Variants in GALNT13 observed in about 807,000 individuals in gnomAD.
GALNT13 encodes polypeptide N-acetylgalactosaminyltransferase 13, also known as UDP-GalNAc:polypeptide N-acetylgalactosaminyltransferase 13.
In GALNT13, 28 loss-of-function variants were observed where a neutral mutation model predicts 64.2. The ratio of observed to expected loss-of-function variants is 0.44; its 90% CI spans 0.32 to 0.60. The LOEUF (loss-of-function observed/expected upper bound fraction) is 0.60, where lower values mean the gene tolerates loss of function less well. Among genes scored for constraint, GALNT13 ranks in the 20% least tolerant of loss-of-function variants. The pLI, the probability that GALNT13 is intolerant of heterozygous loss-of-function variation, is 0.05. For missense variants in GALNT13, 577 were observed against 669.8 expected, an observed-to-expected ratio of 0.86 and a Z score of 1.53; for synonymous variants, 214 against 224.6, an observed-to-expected ratio of 0.95 and a Z score of 0.42.
At chr2:154,170,265 G>A (rs1057147594) in intron 4 of GALNT13, among the ~76,000 whole-genome samples, 38 of 152,128 alleles carry the variant, frequency 2.5e-4, no homozygotes, top group African/African-American at 8.7e-4. Context: ...AGTCCACTGA[G>A]TCAAATGCTA....
At chr2:153,824,308 C>T in the GALNT13 span, among the ~76,000 whole-genome samples, 1 of 152,114 alleles carries the variant, frequency 6.6e-6, no homozygotes, top group Non-Finnish European at 1.5e-5. Context: ...ACTGTGGAAG[C>T]AGTTTGGAGA....
At chr2:154,216,802 C>CTTTTTTTTTTTTTTTTT (rs397872685) in intron 4 of GALNT13, among the ~76,000 whole-genome samples, 1 of 71,296 alleles carries the variant, frequency 1.4e-5, no homozygotes, top group African/African-American at 5.4e-5. Context: ...TTCTCTCTCT[C>CTTTTTTTTTTTTTTTTT]TTTTTTTTTT....
chr2:154,220,166 A>G (rs1052405555), intron 4 of GALNT13, among the ~76,000 whole-genome samples: 1 of 152,116 alleles, frequency 6.6e-6, no homozygotes, highest in African/African-American at 2.4e-5. Flanking sequence ...GTCCACTTCA[A>G]TGAGTACTAG....
At chr2:153,183,061 C>T in the GALNT13 span, among the ~76,000 whole-genome samples, 1 of 152,190 alleles carries the variant, frequency 6.6e-6, no homozygotes, top group Non-Finnish European at 1.5e-5. Flanking sequence ...ACACTGTCTT[C>T]CACAATGGTT....
chr2:153,130,214 A>G, the GALNT13 span, among the ~76,000 whole-genome samples: 1 of 152,080 alleles, frequency 6.6e-6, no homozygotes, highest in Admixed American at 6.6e-5. Flanking sequence ...TTCACATTCT[A>G]TTCTATTCTT....
chr2:153,308,517 C>T, the GALNT13 span, among the ~76,000 whole-genome samples: 1 of 152,144 alleles, frequency 6.6e-6, no homozygotes, highest in East Asian at 1.9e-4. Flanking sequence ...AACAAGCTTC[C>T]TTGAGCTTTG....
chr2:154,033,709 G>A (rs1276028444), intron 3 of GALNT13, among the ~76,000 whole-genome samples: 2 of 152,148 alleles, frequency 1.3e-5, no homozygotes, highest in African/African-American at 4.8e-5. Flanking sequence ...GGATGCTGAG[G>A]CGGTTGGATC....
chr2:154,154,743 A>T (rs66530341), intron 4 of GALNT13, among the ~76,000 whole-genome samples: 8,680 of 152,178 alleles, frequency 0.057, 360 homozygotes, highest in South Asian at 0.11. Context: ...CTTTATTTGT[A>T]TGTGTAAGTA....
At chr2:153,430,651 T>C in the GALNT13 span, among the ~76,000 whole-genome samples, 3 of 151,152 alleles carry the variant, frequency 2.0e-5, no homozygotes, top group South Asian at 4.2e-4. Flanking sequence ...TTGCTTCATA[T>C]ATTTGAATAT....
At chr2:153,595,684 A>T in the GALNT13 span, among the ~76,000 whole-genome samples, 67 of 152,132 alleles carry the variant, frequency 4.4e-4, no homozygotes, top group Non-Finnish European at 8.4e-4. Flanking sequence ...GTTAAACTTT[A>T]ATATCTATCC....
At chr2:153,276,936 T>C in the GALNT13 span, among the ~76,000 whole-genome samples, 1 of 152,198 alleles carries the variant, frequency 6.6e-6, no homozygotes, top group East Asian at 1.9e-4. Context: ...TATTTCTTTT[T>C]GTATTCTGTT....
chr2:153,856,929 G>A, the GALNT13 span, among the ~76,000 whole-genome samples: 5 of 152,100 alleles, frequency 3.3e-5, no homozygotes, highest in Non-Finnish European at 7.4e-5. Flanking sequence ...ATACTGCACT[G>A]AAAATGAACT....
chr2:153,707,299 A>T, the GALNT13 span, among the ~76,000 whole-genome samples: 1 of 152,226 alleles, frequency 6.6e-6, no homozygotes, highest in African/African-American at 2.4e-5. Context: ...CCATTGGTCA[A>T]AGGTAAAAAT....
chr2:154,224,645 G>C (rs1326928641), intron 4 of GALNT13, among the ~76,000 whole-genome samples: 1 of 152,050 alleles, frequency 6.6e-6, no homozygotes, highest in Non-Finnish European at 1.5e-5. Context: ...TTTAATATAT[G>C]ATAAAAATGA....
chr2:153,995,787 T>TA (rs1291029279), intron 3 of GALNT13, among the ~76,000 whole-genome samples: 1 of 152,128 alleles, frequency 6.6e-6, no homozygotes, highest in African/African-American at 2.4e-5. Flanking sequence ...TCTCTAACTG[T>TA]AACTTTGATA....
At chr2:154,179,923 G>C (rs1355243534) in intron 4 of GALNT13, among the ~76,000 whole-genome samples, 1 of 152,042 alleles carries the variant, frequency 6.6e-6, no homozygotes, top group Non-Finnish European at 1.5e-5. Flanking sequence ...GATACTCAGG[G>C]AGGCAGATGT....
At chr2:153,462,663 CA>C in the GALNT13 span, among the ~76,000 whole-genome samples, 1 of 152,062 alleles carries the variant, frequency 6.6e-6, no homozygotes, top group Non-Finnish European at 1.5e-5. Flanking sequence ...TGTTTAGAAT[CA>C]AAGGAAATGA....
At chr2:153,345,635 T>TTC in the GALNT13 span, among the ~76,000 whole-genome samples, 2,619 of 68,358 alleles carry the variant, frequency 0.038, 128 homozygotes, top group Non-Finnish European at 0.058. Flanking sequence ...TTTCCTTTCT[T>TTC]TTTCTTTCTT....
chr2:154,061,193 C>A (rs1700163155), intron 3 of GALNT13, among the ~76,000 whole-genome samples: 1 of 152,096 alleles, frequency 6.6e-6, no homozygotes, highest in Non-Finnish European at 1.5e-5. Context: ...CTCTGTGTCT[C>A]TTTTTATCTT....
Sources: allele counts gnomAD v4.1 joint callset (sites outside exome capture counted in the v4.1 genomes callset), GRCh38; gene constraint gnomAD v4.1.1; transcripts MANE v1.5; gene names NCBI Gene and HGNC (gene_info 2026-07-23, HGNC 2026-07-21).